NEGR1: variants seen among roughly 807,000 people sequenced by gnomAD.
NEGR1 encodes IgLON family member 4.
A neutral mutation model predicts 40.9 loss-of-function variants in NEGR1; 10 were observed. That is an observed-to-expected ratio of 0.24 (90% confidence interval 0.15 to 0.42). NEGR1 has a LOEUF of 0.42. NEGR1 is among the 10% of genes least tolerant of loss of function. NEGR1 has a pLI of 1.00. For missense variants in NEGR1, 352 were observed against 438.9 expected (o/e 0.80, Z 1.77); for synonymous variants, 185 against 166.8 (o/e 1.11, Z -0.84).
chr1:71,870,723 A>C (rs78668354), intron 2 of NEGR1, among the ~76,000 whole-genome samples: 2,931 of 152,334 alleles, frequency 0.019, 80 homozygotes, highest in African/African-American at 0.067. Flanking sequence ...TCACAGACCT[A>C]TGAATGTGAC....
intron 2 of NEGR1, among the ~76,000 whole-genome samples, chr1:71,819,409 A>G (rs1658345541): frequency 6.6e-6 from 1 of 152,122 alleles, no homozygotes; most frequent in East Asian, 1.9e-4. Flanking sequence ...CCTCTATTTA[A>G]TATCCTTAGA....
At chr1:71,583,003 G>A (rs576918280) in intron 6 of NEGR1, among the ~76,000 whole-genome samples, 106 of 152,180 alleles carry the variant, frequency 7.0e-4, no homozygotes, top group African/African-American at 1.5e-3. Context: ...GTTTGGTTCC[G>A]TTCTGAATCT....
At chr1:72,048,798 C>A (rs562585873) in intron 1 of NEGR1, among the ~76,000 whole-genome samples, 1 of 151,634 alleles carries the variant, frequency 6.6e-6, no homozygotes, top group South Asian at 2.1e-4. Context: ...TTGACACATT[C>A]TGAATAATTA....
At chr1:72,154,016 T>C (rs1004406400) in intron 1 of NEGR1, among the ~76,000 whole-genome samples, 6 of 151,526 alleles carry the variant, frequency 4.0e-5, no homozygotes, top group Non-Finnish European at 7.4e-5. Context: ...TATAAAAAAA[T>C]TGACAAATAA....
At chr1:71,508,362 G>T (rs181877044) in intron 6 of NEGR1, among the ~76,000 whole-genome samples, 1 of 152,190 alleles carries the variant, frequency 6.6e-6, no homozygotes, top group Admixed American at 6.5e-5. Context: ...AAAGTGCACG[G>T]GTCACCTGAG....
chr1:72,182,186 A>G (rs1374287805), intron 1 of NEGR1, among the ~76,000 whole-genome samples: 2 of 152,152 alleles, frequency 1.3e-5, no homozygotes, highest in Non-Finnish European at 2.9e-5. Flanking sequence ...AATATACACA[A>G]TTTGTCTTTT....
At position 71,592,956 on chromosome 1, in the gene NEGR1, G is replaced by A. The variant is rs761923913; in HGVS notation, c.801C>T (p.Gly267=). The A allele has an allele frequency of 2.5e-6, 4 of 1,609,884 alleles. No individual in the cohort carries two copies. The highest frequency in any genetic ancestry group is 3.4e-6 in the Non-Finnish European group (4 of 1,176,510). The change falls in exon 6 of 7, where the codon GGC becomes GGT. Residue 267 remains glycine (G), a synonymous_variant. Transcript: ENST00000357731. The part of the protein sequence containing the change: ...WYKGEKKLFN[G]QQGIIIQNFS... Reference sequence around the variant, plus strand: ...AATTTTGAATAATAATTCCTTGTTGGCCATTGAAGAGCCTAGAAGACAAAA... The same window carrying A: ...AATTTTGAATAATAATTCCTTGTTGACCATTGAAGAGCCTAGAAGACAAAA...
chr1:71,461,771 T>A (rs1646716200), intron 6 of NEGR1: 1 of 152,174 alleles, frequency 6.6e-6, no homozygotes, highest in African/African-American at 2.4e-5. Context: ...AGAGGAAGTA[T>A]AAATGAATGG....
rs537756226 is a variant in NEGR1 at position 72,067,657 on chromosome 1, TAGTC to T, written c.177-132350_177-132347del. Among the ~76,000 whole-genome samples the T allele has an allele frequency of 3.0e-4, 46 of 152,240 alleles. No homozygotes were observed. The East Asian group carries it at 7.0e-3, about 23-fold the overall frequency. Reference sequence around the variant, plus strand: ...TTGTTGTCCACTCTAACAAGAAAGATAGTCAGTGATGCATAATAATATCAGGTTT... The same window carrying T: ...TTGTTGTCCACTCTAACAAGAAAGATAGTGATGCATAATAATATCAGGTTT... On this transcript the variant is annotated intron_variant, in intron 1 of 6. Coordinates refer to ENST00000357731, the MANE Select transcript of NEGR1 (RefSeq NM_173808.3).
intron 1 of NEGR1, among the ~76,000 whole-genome samples, chr1:72,231,246 C>T (rs1462350991): frequency 1.3e-5 from 2 of 152,140 alleles, no homozygotes; most frequent in South Asian, 2.1e-4. Context: ...ACTTGCCTCT[C>T]CATTTGTCTT....
chr1:72,074,956 T>C (rs1266054335), intron 1 of NEGR1, among the ~76,000 whole-genome samples: 1 of 152,134 alleles, frequency 6.6e-6, no homozygotes, highest in Non-Finnish European at 1.5e-5. Context: ...ACATAGTACA[T>C]ATTTTATCTG....
At chr1:72,090,212 G>C (rs2100542806) in intron 1 of NEGR1, among the ~76,000 whole-genome samples, 1 of 151,900 alleles carries the variant, frequency 6.6e-6, no homozygotes, top group African/African-American at 2.4e-5. Flanking sequence ...AGTCATTTAG[G>C]CATATTATAA....
chr1:72,188,590 T>C (rs1652698265), intron 1 of NEGR1, among the ~76,000 whole-genome samples: 1 of 151,454 alleles, frequency 6.6e-6, no homozygotes. Flanking sequence ...ACAAGAAGAG[T>C]CCTTTACAAT....
intron 3 of NEGR1, among the ~76,000 whole-genome samples, chr1:71,750,876 A>G (rs370745892): frequency 6.6e-6 from 1 of 152,190 alleles, no homozygotes; most frequent in Non-Finnish European, 1.5e-5. Flanking sequence ...GGACATGTAT[A>G]TAAATTGATT....
chr1:71,898,102 G>T (rs1352958687), intron 2 of NEGR1, among the ~76,000 whole-genome samples: 1 of 152,076 alleles, frequency 6.6e-6, no homozygotes, highest in Admixed American at 6.5e-5. Flanking sequence ...GAATTACTGC[G>T]AGTCTGTAAA....
intron 1 of NEGR1, among the ~76,000 whole-genome samples, chr1:72,151,059 A>G (rs1651107537): frequency 6.6e-6 from 1 of 151,934 alleles, no homozygotes; most frequent in Admixed American, 6.6e-5. Context: ...TAACTGACCC[A>G]CCAAACATCG....
chr1:72,179,952 T>C (rs1259948751), intron 1 of NEGR1, among the ~76,000 whole-genome samples: 1 of 152,024 alleles, frequency 6.6e-6, no homozygotes, highest in African/African-American at 2.4e-5. Context: ...AAAATGTCAA[T>C]ACTATGCAAA....
At chr1:71,695,544 A>G (rs1039443361) in intron 4 of NEGR1, among the ~76,000 whole-genome samples, 1 of 151,684 alleles carries the variant, frequency 6.6e-6, no homozygotes, top group Admixed American at 6.6e-5. Flanking sequence ...TTTCCCTCTT[A>G]AGTTAAAGTG....
chr1:71,722,675 T>A (rs1360725176), intron 3 of NEGR1, among the ~76,000 whole-genome samples: 2 of 152,134 alleles, frequency 1.3e-5, no homozygotes, highest in Non-Finnish European at 2.9e-5. Context: ...CTACAAAATA[T>A]AGGAACTATT....
Sources: allele counts gnomAD v4.1 joint callset (sites outside exome capture counted in the v4.1 genomes callset), GRCh38; gene constraint gnomAD v4.1.1; transcripts MANE v1.5; gene names NCBI Gene and HGNC (gene_info 2026-07-23, HGNC 2026-07-21).